The following KIAA0825 variants were observed in gnomAD, a reference collection of about 807,000 sequenced individuals.
KIAA0825 encodes the protein KIAA0825.
KIAA0825 carries 119 observed loss-of-function variants against 147.6 expected under a neutral mutation model. That is an observed-to-expected ratio of 0.81 (90% CI 0.69 to 0.94). The LOEUF (loss-of-function observed/expected upper bound fraction) is 0.94. KIAA0825 is among the 40% of genes least tolerant of loss of function. The pLI is 0.00. For synonymous variants in KIAA0825, 470 were observed against 518.1 expected, an observed-to-expected ratio of 0.91 and a Z score of 1.26; for missense variants, 1,381 against 1,472.7, an observed-to-expected ratio of 0.94 and a Z score of 1.02.
chr5:94,167,068 AC>A (rs1295394952), intron 20 of KIAA0825, among the ~76,000 whole-genome samples: 2 of 151,836 alleles, frequency 1.3e-5, no homozygotes, highest in Non-Finnish European at 1.5e-5. Flanking sequence ...ACTCCATTAC[AC>A]CCCCCTCCTC....
intron 20 of KIAA0825, among the ~76,000 whole-genome samples, chr5:94,215,854 C>G (rs922809059): frequency 1.3e-5 from 2 of 152,104 alleles, no homozygotes; most frequent in Non-Finnish European, 2.9e-5. Flanking sequence ...AACCTTGCAT[C>G]TCGTAAACCC....
intron 14 of KIAA0825, among the ~76,000 whole-genome samples, chr5:94,439,101 T>G (rs1756745381): frequency 6.6e-6 from 1 of 152,144 alleles, no homozygotes; most frequent in Non-Finnish European, 1.5e-5. Context: ...GGACAACAAC[T>G]GTTACAGGAG....
At chr5:94,543,171 T>C (rs1319175685) in intron 2 of KIAA0825, among the ~76,000 whole-genome samples, 1 of 152,070 alleles carries the variant, frequency 6.6e-6, no homozygotes, top group Non-Finnish European at 1.5e-5. Context: ...AGGTCAGGTG[T>C]AGTGGCTCAT....
intron 1 of KIAA0825, among the ~76,000 whole-genome samples, chr5:94,603,429 T>A (rs181825226): frequency 2.6e-5 from 4 of 152,236 alleles, no homozygotes; most frequent in Admixed American, 2.0e-4. Context: ...AAAGAAGCAC[T>A]AAATGTAAAA....
At chr5:94,302,420 C>A (rs1314518151) in intron 20 of KIAA0825, among the ~76,000 whole-genome samples, 1 of 152,098 alleles carries the variant, frequency 6.6e-6, no homozygotes, top group East Asian at 1.9e-4. Context: ...GGGTGTTAAA[C>A]CCCTGTCAAG....
chr5:94,192,713 T>A (rs1030306548), intron 20 of KIAA0825, among the ~76,000 whole-genome samples: 1 of 152,082 alleles, frequency 6.6e-6, no homozygotes. Flanking sequence ...CCTGTAGGCA[T>A]TAGTGAAGAA....
At chr5:94,540,341 A>G (rs1773032083) in intron 2 of KIAA0825, among the ~76,000 whole-genome samples, 1 of 152,194 alleles carries the variant, frequency 6.6e-6, no homozygotes, top group Admixed American at 6.5e-5. Flanking sequence ...ACTTTTCAAG[A>G]TGGCCCAGCA....
chr5:94,572,725 A>G (rs1168084264), intron 2 of KIAA0825, among the ~76,000 whole-genome samples: 1 of 152,230 alleles, frequency 6.6e-6, no homozygotes, highest in African/African-American at 2.4e-5. Flanking sequence ...CATAAAATAA[A>G]GAATACACAC....
intron 12 of KIAA0825, among the ~76,000 whole-genome samples, chr5:94,455,511 A>G (rs1758988638): frequency 6.6e-6 from 1 of 152,132 alleles, no homozygotes; most frequent in South Asian, 2.1e-4. Context: ...TGAGAGGGAA[A>G]CATAATAGTA....
At position 94,462,437 on chromosome 5, in the gene KIAA0825, A is replaced by T. The variant is rs180852937; in HGVS notation, c.2196T>A (p.Asn732Lys). Residue 732 changes from asparagine (N) to lysine (K), a missense_variant, in exon 12 of 21, where the codon AAT becomes AAA. Physicochemically the swap from Asn to Lys is moderately conservative, Grantham distance 94. Coordinates refer to ENST00000682413, the MANE Select transcript of KIAA0825 (RefSeq NM_001145678.3). ...KIFKIHTHCNNLFTTLVILTS... is the reference protein window; with the variant it reads ...KIFKIHTHCNKLFTTLVILTS... ...TCAAAATGACTAATGTTGTAAACAG[A>T]TTATTACAATGAGTGTGAATTTTAA... The T allele has an allele frequency of 2.7e-4, 401 of 1,494,592 alleles. 3 individuals are homozygous for T. In the East Asian group the frequency reaches 9.2e-3, roughly 34 times the overall value. The allele number at this position is 1,494,592 out of a possible 1,614,324, so 92.6% of individuals were successfully genotyped here.
intron 20 of KIAA0825, among the ~76,000 whole-genome samples, chr5:94,220,493 T>C (rs1363787735): frequency 6.6e-6 from 1 of 152,228 alleles, no homozygotes; most frequent in Non-Finnish European, 1.5e-5. Context: ...TGTGCTATAC[T>C]GCACTTTTAT....
At chr5:94,360,309 C>A (rs1199023596) in intron 20 of KIAA0825, among the ~76,000 whole-genome samples, 3 of 151,952 alleles carry the variant, frequency 2.0e-5, no homozygotes, top group African/African-American at 7.3e-5. Flanking sequence ...AAACAGAACT[C>A]TAATTTTCTA....
At chr5:94,489,180 G>C (rs955650677) in intron 5 of KIAA0825, among the ~76,000 whole-genome samples, 3 of 152,266 alleles carry the variant, frequency 2.0e-5, no homozygotes, top group African/African-American at 7.2e-5. Flanking sequence ...ACTAAGGAAA[G>C]TCTTCTAAAG....
Position 94,403,826 on chromosome 5 carries a change from G to A in KIAA0825, c.2663-33C>T, listed in dbSNP as rs1751698045. The A allele has an allele frequency of 2.6e-6, 4 of 1,516,482 alleles. No homozygotes were observed. In the East Asian group the frequency reaches 9.8e-5, roughly 37 times the overall value. 93.9% of individuals were successfully genotyped at this position (1,516,482 alleles called of 1,614,324 possible). ...ATCAGATGGCATATTATGGTTAGCA[G>A]AACCTAGCAAATCAGTTGTGCCTTG... On this transcript the variant is annotated intron_variant, in intron 15 of 20. Transcript: ENST00000682413.
At chr5:94,178,176 T>C (rs1769284389) in intron 20 of KIAA0825, among the ~76,000 whole-genome samples, 1 of 152,030 alleles carries the variant, frequency 6.6e-6, no homozygotes, top group South Asian at 2.1e-4. Flanking sequence ...ATAGCCTTAC[T>C]AATTTATATT....
chr5:94,177,148 A>G (rs895973511), intron 20 of KIAA0825, among the ~76,000 whole-genome samples: 1 of 152,136 alleles, frequency 6.6e-6, no homozygotes, highest in Non-Finnish European at 1.5e-5. Context: ...CAATGTTACA[A>G]TATCATTTCA....
intron 20 of KIAA0825, among the ~76,000 whole-genome samples, chr5:94,343,095 C>G (rs1213467206): frequency 6.6e-6 from 1 of 152,054 alleles, no homozygotes; most frequent in Non-Finnish European, 1.5e-5. Flanking sequence ...ATTAAAGACC[C>G]ATGGAGGAAA....
At chr5:94,170,540 A>G (rs1768521049) in intron 20 of KIAA0825, among the ~76,000 whole-genome samples, 1 of 152,198 alleles carries the variant, frequency 6.6e-6, no homozygotes, top group Non-Finnish European at 1.5e-5. Context: ...TTCATGCTGC[A>G]TCAAGGAGGT....
At chr5:94,509,446 T>C (rs529386329) in intron 5 of KIAA0825, among the ~76,000 whole-genome samples, 58 of 152,144 alleles carry the variant, frequency 3.8e-4, no homozygotes, top group Non-Finnish European at 6.9e-4. Flanking sequence ...TCCCTACAAA[T>C]AGGTTTCATA....
Sources: gnomAD v4.1 joint callset for allele counts (sites outside exome capture counted in the v4.1 genomes callset) on GRCh38, gnomAD v4.1.1 for gene constraint, MANE v1.5 for transcripts, NCBI Gene and HGNC (gene_info 2026-07-23, HGNC 2026-07-21) for gene names.